MAML3: variants seen among roughly 807,000 people sequenced by gnomAD.
MAML3 encodes the protein mastermind-like protein 3.
Under a neutral mutation model 101.9 loss-of-function variants are expected in MAML3, and 27 were observed. That is an observed-to-expected ratio of 0.27 (90% CI 0.20 to 0.37). The LOEUF is 0.37. MAML3 is among the 10% of genes least tolerant of loss of function. The pLI is 1.00. For synonymous variants in MAML3, 501 were observed against 555.9 expected (o/e 0.90, Z 1.39); for missense variants, 1,316 against 1,444.9 (o/e 0.91, Z 1.45).
At chr4:139,730,326 T>A in intron 3 of MAML3, 90 bp downstream of exon 3, 1 of 1,132,130 alleles carries the variant, frequency 8.8e-7, no homozygotes, top group Non-Finnish European at 1.3e-6. Context: ...TGATGGAGGA[T>A]GTGAACTGCC....
chr4:139,998,644 A>T (rs1443616371), intron 1 of MAML3, among the ~76,000 whole-genome samples: 3 of 152,180 alleles, frequency 2.0e-5, no homozygotes, highest in Non-Finnish European at 4.4e-5. Flanking sequence ...CTTTCTTTGC[A>T]TAGCTCATAA....
At chr4:139,905,696 C>T (rs762063234) in intron 1 of MAML3, among the ~76,000 whole-genome samples, 1 of 152,070 alleles carries the variant, frequency 6.6e-6, no homozygotes, top group South Asian at 2.1e-4. Context: ...TCTCCTGTGC[C>T]TCTCTTCTTG....
chr4:139,752,620 T>C (rs370711232), intron 2 of MAML3, among the ~76,000 whole-genome samples: 3 of 152,168 alleles, frequency 2.0e-5, no homozygotes, highest in African/African-American at 7.2e-5. Flanking sequence ...CACAAATACA[T>C]TCTGTATTTT....
At chr4:139,946,979 C>G (rs1733744501) in intron 1 of MAML3, among the ~76,000 whole-genome samples, 1 of 150,298 alleles carries the variant, frequency 6.7e-6, no homozygotes, top group Non-Finnish European at 1.5e-5. Flanking sequence ...TTGCAACATG[C>G]TATAATTAAG....
chr4:140,117,942 G>C (rs968275695), intron 1 of MAML3, among the ~76,000 whole-genome samples: 1 of 151,764 alleles, frequency 6.6e-6, no homozygotes, highest in Non-Finnish European at 1.5e-5. Context: ...ACATTTTTAA[G>C]GATTTTCACA....
chr4:140,141,019 T>C (rs926860681), intron 1 of MAML3, among the ~76,000 whole-genome samples: 1 of 152,146 alleles, frequency 6.6e-6, no homozygotes, highest in East Asian at 1.9e-4. Context: ...ACACGGCTAT[T>C]TAGAAAATGC....
chr4:139,844,663 C>G (rs971811943), intron 2 of MAML3, among the ~76,000 whole-genome samples: 6 of 152,230 alleles, frequency 3.9e-5, no homozygotes, highest in Admixed American at 3.3e-4. Flanking sequence ...ACTGTACCTT[C>G]CTTACCACTG....
intron 1 of MAML3, among the ~76,000 whole-genome samples, chr4:139,996,693 G>A (rs923029147): frequency 2.6e-5 from 4 of 151,966 alleles, no homozygotes; most frequent in South Asian, 2.1e-4. Flanking sequence ...TATCGTGTGT[G>A]TGTGTGTGTG....
chr4:139,856,458 A>C (rs568154678), intron 2 of MAML3, among the ~76,000 whole-genome samples: 2 of 152,328 alleles, frequency 1.3e-5, no homozygotes, highest in South Asian at 2.1e-4. Flanking sequence ...TCTAGCATAA[A>C]GCAGTTTTCT....
chr4:139,756,460 C>T (rs1729652682), intron 2 of MAML3, among the ~76,000 whole-genome samples: 1 of 152,184 alleles, frequency 6.6e-6, no homozygotes, highest in Admixed American at 6.5e-5. Flanking sequence ...TGTCAGCATT[C>T]TCATAGAATA....
chr4:139,912,293 G>C (rs1190632170), intron 1 of MAML3, among the ~76,000 whole-genome samples: 1 of 152,086 alleles, frequency 6.6e-6, no homozygotes, highest in Non-Finnish European at 1.5e-5. Flanking sequence ...AAAGAAGTTT[G>C]GCTCTAATAG....
chr4:139,970,327 T>C (rs932618167), intron 1 of MAML3, among the ~76,000 whole-genome samples: 2 of 152,002 alleles, frequency 1.3e-5, no homozygotes, highest in African/African-American at 4.8e-5. Flanking sequence ...AAGCTGGAAG[T>C]AGGAAATGCT....
At chr4:140,105,649 C>T (rs77672947) in intron 1 of MAML3, among the ~76,000 whole-genome samples, 299 of 152,274 alleles carry the variant, frequency 2.0e-3, no homozygotes, top group African/African-American at 6.9e-3. Flanking sequence ...AAACAGCTGC[C>T]TGTTTAAATA....
chr4:139,932,359 G>A (rs1048055544), intron 1 of MAML3, among the ~76,000 whole-genome samples: 7 of 152,044 alleles, frequency 4.6e-5, no homozygotes, highest in African/African-American at 1.4e-4. Flanking sequence ...AAGAAACTAA[G>A]TTTCATTGAT....
At position 139,718,756 on chromosome 4, in the gene MAML3, C is replaced by G. The variant is rs1275235678; in HGVS notation, c.*567G>C. 6.5e-6 allele frequency: 1 copy of G among 153,848 alleles called. No individual in the cohort carries two copies. Among genetic ancestry groups the G allele is most frequent in the Non-Finnish European group, 1.4e-5 (1 of 69,280 alleles). 9.5% of individuals were successfully genotyped at this position (153,848 alleles called of 1,614,324 possible). A position where few individuals can be genotyped will look rare whatever the true frequency, so the allele number is the denominator to read the frequency against. The stretch of plus-strand genomic sequence containing the variant: ...TCCTTTTGACAATCTCACTGTTCTT[C>G]GTGCCTGCCCTCCAAATTCAGTAGC... On this transcript the variant is annotated 3_prime_UTR_variant, in exon 5 of 5. Coordinates refer to ENST00000509479, the MANE Select transcript of MAML3 (RefSeq NM_018717.5).
Position 139,719,037 on chromosome 4 carries a change from G to C in MAML3, c.*286C>G. On this transcript the variant is annotated 3_prime_UTR_variant, in exon 5 of 5. Coordinates refer to ENST00000509479, the MANE Select transcript of MAML3 (RefSeq NM_018717.5). The stretch of plus-strand genomic sequence containing the variant: ...GCGATCACAGGGCATGCTGGGCAGA[G>C]GGGCTCTGGCCGGCTTCATCTTCCC... The C allele has an allele frequency of 2.6e-6, 1 of 390,226 alleles. No homozygotes were observed. The highest frequency in any genetic ancestry group is 7.2e-4 in the Middle Eastern group (1 of 1,382). The allele number at this position is 390,226 out of a possible 1,614,324, so 24.2% of individuals were successfully genotyped here.
chr4:140,028,200 T>G (rs1726856417), intron 1 of MAML3, among the ~76,000 whole-genome samples: 1 of 152,214 alleles, frequency 6.6e-6, no homozygotes, highest in Non-Finnish European at 1.5e-5. Flanking sequence ...ATTTTATTTT[T>G]ACTATACATT....
At chr4:140,129,721 C>T (rs1728753948) in intron 1 of MAML3, among the ~76,000 whole-genome samples, 1 of 152,136 alleles carries the variant, frequency 6.6e-6, no homozygotes, top group Non-Finnish European at 1.5e-5. Context: ...AGTCCCAGCA[C>T]TTTGGGAGGC....
chr4:139,990,456 C>T (rs1200048510), intron 1 of MAML3, among the ~76,000 whole-genome samples: 4 of 150,424 alleles, frequency 2.7e-5, no homozygotes, highest in Non-Finnish European at 4.4e-5. Context: ...ACTGAATGGG[C>T]AAAAACTGGA....
Sources: gnomAD v4.1 joint callset for allele counts (sites outside exome capture counted in the v4.1 genomes callset) on GRCh38, gnomAD v4.1.1 for gene constraint, MANE v1.5 for transcripts, NCBI Gene and HGNC (gene_info 2026-07-23, HGNC 2026-07-21) for gene names.